MMP26: variants seen among roughly 807,000 people sequenced by gnomAD.
MMP26 encodes the protein matrix metalloproteinase-26.
A neutral mutation model predicts 31.0 loss-of-function variants in MMP26; 33 were observed. That is an observed-to-expected ratio of 1.06 (90% CI 0.81 to 1.42). The LOEUF (loss-of-function observed/expected upper bound fraction) is 1.42. Among genes scored for constraint, MMP26 ranks in the 40% most tolerant of loss-of-function variants. The probability of loss-of-function intolerance (pLI) is 0.00; values close to 1 mark genes in which losing one functional copy is unlikely to be tolerated. For synonymous variants in MMP26, 122 were observed against 114.9 expected (o/e 1.06, Z -0.40); for missense variants, 347 against 316.1 (o/e 1.10, Z -0.74).
intron 1 of MMP26, among the ~76,000 whole-genome samples, chr11:4,740,214 A>C (rs1848294209): frequency 6.6e-6 from 1 of 152,218 alleles, no homozygotes; most frequent in African/African-American, 2.4e-5. Context: ...AGAACATTTT[A>C]ACAGTTATAC....
At chr11:4,712,252 C>T (rs1847871620) in intron 1 of MMP26, 1 of 152,196 alleles carries the variant, frequency 6.6e-6, no homozygotes, top group Admixed American at 6.5e-5. Flanking sequence ...GCACAGCCTT[C>T]ATTCTTAAGG....
intron 2 of MMP26, among the ~76,000 whole-genome samples, chr11:4,838,513 T>C (rs1273279529): frequency 6.6e-6 from 1 of 151,950 alleles, no homozygotes; most frequent in Non-Finnish European, 1.5e-5. Flanking sequence ...TAGAAGAGCA[T>C]TTATTAGAGC....
intron 2 of MMP26, among the ~76,000 whole-genome samples, chr11:4,931,166 T>G (rs189075525): frequency 7.9e-5 from 12 of 152,162 alleles, no homozygotes; most frequent in Admixed American, 5.9e-4. Context: ...TCAACTAATA[T>G]GATATTCTAT....
intron 2 of MMP26, among the ~76,000 whole-genome samples, chr11:4,879,465 G>A (rs1449100897): frequency 6.6e-6 from 1 of 152,064 alleles, no homozygotes; most frequent in Non-Finnish European, 1.5e-5. Flanking sequence ...TAGCATGATG[G>A]TTAAGATGGA....
intron 2 of MMP26, among the ~76,000 whole-genome samples, chr11:4,835,429 C>T (rs1353676265): frequency 1.3e-5 from 2 of 151,880 alleles, no homozygotes; most frequent in African/African-American, 4.8e-5. Flanking sequence ...ATTTTTTTTT[C>T]CCCTTAACTT....
At chr11:4,917,926 C>T (rs1434166010) in intron 2 of MMP26, among the ~76,000 whole-genome samples, 1 of 150,948 alleles carries the variant, frequency 6.6e-6, no homozygotes, top group Non-Finnish European at 1.5e-5. Flanking sequence ...CTTCACCACC[C>T]TATTTCATTT....
chr11:4,781,690 AC>A (rs2133432855), intron 2 of MMP26, among the ~76,000 whole-genome samples: 1 of 150,258 alleles, frequency 6.7e-6, no homozygotes, highest in Admixed American at 6.7e-5. Flanking sequence ...ATAAAATACC[AC>A]CCTGATGTGG....
chr11:4,770,235 T>G (rs1035292555), intron 2 of MMP26, among the ~76,000 whole-genome samples: 1 of 152,196 alleles, frequency 6.6e-6, no homozygotes, highest in Non-Finnish European at 1.5e-5. Context: ...GTAAGATTAT[T>G]TGAATAAAGA....
intron 2 of MMP26, among the ~76,000 whole-genome samples, chr11:4,983,907 C>G (rs373215280): frequency 6.6e-6 from 1 of 152,154 alleles, no homozygotes; most frequent in Admixed American, 6.5e-5. Flanking sequence ...TATCCACAGG[C>G]GATTCTATGC....
intron 2 of MMP26, among the ~76,000 whole-genome samples, chr11:4,969,295 C>T (rs1846635499): frequency 6.6e-6 from 1 of 151,816 alleles, no homozygotes; most frequent in Non-Finnish European, 1.5e-5. Flanking sequence ...CAATAAGATG[C>T]CAAAAGAGTG....
At chr11:4,955,794 G>A (rs1186037534) in intron 2 of MMP26, 3 of 1,285,596 alleles carry the variant, frequency 2.3e-6, no homozygotes, top group Non-Finnish European at 3.3e-6. Context: ...TGGTAAAATA[G>A]GCATATCTGT....
At chr11:4,706,284 T>C (rs957873471) in intron 1 of MMP26, among the ~76,000 whole-genome samples, 5 of 152,096 alleles carry the variant, frequency 3.3e-5, no homozygotes, top group African/African-American at 1.2e-4. Context: ...TTTATTTTTA[T>C]TGTGATAAAA....
intron 2 of MMP26, chr11:4,803,370 T>C: frequency 9.0e-7 from 1 of 1,111,220 alleles, no homozygotes; most frequent in Non-Finnish European, 1.3e-6. Context: ...GCCTGTCAAA[T>C]GTTCATTAAT....
At chr11:4,841,483 G>A (rs1329683458) in intron 2 of MMP26, among the ~76,000 whole-genome samples, 5 of 152,170 alleles carry the variant, frequency 3.3e-5, no homozygotes, top group African/African-American at 1.2e-4. Flanking sequence ...CAGGCCAGGA[G>A]AGAGTAACAT....
At chr11:4,724,272 T>C in intron 1 of MMP26, 2 of 368,240 alleles carry the variant, frequency 5.4e-6, no homozygotes, top group Non-Finnish European at 9.9e-6. Flanking sequence ...TGCCAGCATT[T>C]AAAACCCCAG....
chr11:4,991,861 T>C, intron 6 of MMP26, 103 bp from the exon 7 acceptor site: 2 of 1,113,918 alleles, frequency 1.8e-6, no homozygotes, highest in South Asian at 1.8e-5. Flanking sequence ...ATTTGCCCTT[T>C]CCTCGTTTTC....
Position 4,908,217 on chromosome 11 carries a change from C to T in MMP26, c.-144-79851C>T, listed in dbSNP as rs376011053. On this transcript the variant is annotated intron_variant, in intron 2 of 7. Coordinates refer to ENST00000380390, the MANE Select transcript of MMP26 (RefSeq NM_021801.5). ...ATTGCAGATATGTTCTTGTTGGTGC[C>T]GCCCCTTATGAACCCCATTGTGTAC... The T allele has an allele frequency of 6.1e-5, 98 of 1,613,946 alleles. No individual in the cohort carries two copies. Among genetic ancestry groups the T allele is most frequent in the Non-Finnish European group, 7.6e-5 (90 of 1,180,004 alleles).
chr11:4,797,908 C>A (rs758355387), intron 2 of MMP26, among the ~76,000 whole-genome samples: 1 of 152,168 alleles, frequency 6.6e-6, no homozygotes, highest in African/African-American at 2.4e-5. Flanking sequence ...CCATTCTCTG[C>A]CACTATTATA....
At chr11:4,970,987 A>C (rs939912722) in intron 2 of MMP26, among the ~76,000 whole-genome samples, 1 of 152,212 alleles carries the variant, frequency 6.6e-6, no homozygotes, top group Non-Finnish European at 1.5e-5. Flanking sequence ...ATATTCAAGA[A>C]GGGAATTTCA....
Sources: allele counts gnomAD v4.1 joint callset (sites outside exome capture counted in the v4.1 genomes callset), GRCh38; gene constraint gnomAD v4.1.1; transcripts MANE v1.5; gene names NCBI Gene and HGNC (gene_info 2026-07-23, HGNC 2026-07-21).